Variants in PCGF3 observed in about 807,000 individuals in gnomAD.
PCGF3 encodes polycomb group ring finger 3.
Under a neutral mutation model 33.1 loss-of-function variants are expected in PCGF3, and 7 were observed. The ratio of observed to expected loss-of-function variants is 0.21; its 90% confidence interval spans 0.12 to 0.40. The LOEUF is 0.40. Ranked by LOEUF, PCGF3 falls within the 10% of genes least tolerant of loss-of-function variation. The pLI is 1.00. For missense variants in PCGF3, 211 were observed against 313.3 expected (o/e 0.67, Z 2.46); for synonymous variants, 153 against 121.3 (o/e 1.26, Z -1.72).
In PCGF3 at chr4:737,700, G is replaced by C. The variant is rs773107737; in HGVS notation, c.262+179G>C. On this transcript the variant is annotated intron_variant, in intron 6 of 10. Transcript: ENST00000362003. ...TTGGCTGGTCTCTTCTTTCGTCTAAGATGCGTAGACATCTTTTTACCCCTT... is the reference window on the plus strand; with the variant it reads ...TTGGCTGGTCTCTTCTTTCGTCTAACATGCGTAGACATCTTTTTACCCCTT... 2.6e-5 allele frequency among the ~76,000 whole-genome samples: 4 copies of C among 152,160 alleles called. No individual in the cohort carries two copies. In the South Asian group the frequency reaches 8.3e-4, roughly 32 times the overall value.
At chr4:741,278 T>C (rs543964760) in intron 6 of PCGF3, among the ~76,000 whole-genome samples, 40 of 152,248 alleles carry the variant, frequency 2.6e-4, no homozygotes, top group Non-Finnish European at 4.7e-4. Flanking sequence ...AATGAAGATA[T>C]GGCTGTAGTC....
intron 3 of PCGF3, among the ~76,000 whole-genome samples, chr4:733,147 G>A (rs1743681256): frequency 1.3e-5 from 2 of 150,084 alleles, no homozygotes; most frequent in African/African-American, 2.5e-5. Context: ...AGGAGACACC[G>A]TGGAAGCCGC....
At chr4:761,512 C>G (rs554520232) in intron 9 of PCGF3, 96 bp downstream of exon 9, 2 of 1,441,308 alleles carry the variant, frequency 1.4e-6, no homozygotes, top group Non-Finnish European at 1.9e-6. Flanking sequence ...TTGTTTTTAA[C>G]AATTTTGGAG....
At chr4:734,622 C>T in intron 4 of PCGF3, 1 of 1,229,464 alleles carries the variant, frequency 8.1e-7, no homozygotes, top group East Asian at 3.7e-5. Flanking sequence ...CTGTTTTAGC[C>T]CATGTTCTGA....
At chr4:719,573 T>C (rs896255518) in intron 1 of PCGF3, among the ~76,000 whole-genome samples, 5 of 152,204 alleles carry the variant, frequency 3.3e-5, no homozygotes, top group Non-Finnish European at 7.4e-5. Context: ...GCAGCTGCAA[T>C]GCGGGGTCCC....
intron 8 of PCGF3, among the ~76,000 whole-genome samples, chr4:751,451 C>T (rs888057761): frequency 2.0e-5 from 3 of 152,142 alleles, no homozygotes; most frequent in African/African-American, 4.8e-5. Context: ...TCGCCACGTC[C>T]GCACGTCACT....
At chr4:722,033 G>A (rs1480591919) in intron 1 of PCGF3, among the ~76,000 whole-genome samples, 1 of 152,138 alleles carries the variant, frequency 6.6e-6, no homozygotes, top group East Asian at 1.9e-4. Flanking sequence ...CTTCGTTGCA[G>A]AAACCGCATC....
At position 735,951 on chromosome 4, in the gene PCGF3, C is replaced by T. The variant is rs533873353; in HGVS notation, c.206+924C>T. On this transcript the variant is annotated intron_variant, in intron 5 of 10. Transcript: ENST00000362003. ...GCTCCAAAGGAAGGGAAATGCTCCC[C>T]GTACCATGAGGGTAGTAGAGATAAT... is the stretch of plus-strand genomic sequence containing the variant. Among the ~76,000 whole-genome samples the T allele has an allele frequency of 7.8e-4, 119 of 152,286 alleles. 1 individual carries two copies. In the Middle Eastern group the frequency reaches 0.014, roughly 17 times the overall value.
In PCGF3 at chr4:731,340, T is replaced by A. The variant is rs1359264429; in HGVS notation, c.-10+230T>A. The A allele has an allele frequency of 1.2e-5, 5 of 400,460 alleles. No individual in the cohort carries two copies. The Admixed American group carries it at 1.3e-4, about 11-fold the overall frequency. The allele number at this position is 400,460 out of a possible 1,614,324, so 24.8% of individuals were successfully genotyped here. Reference sequence around the variant, plus strand: ...TGCGGGGTGCAGAGGGCTGGTCTCCTTCCGTCACTGGTTCACTTGGGTTCC... The same window carrying A: ...TGCGGGGTGCAGAGGGCTGGTCTCCATCCGTCACTGGTTCACTTGGGTTCC... On this transcript the variant is annotated intron_variant, in intron 3 of 10. Transcript: ENST00000362003.
At chr4:738,654 C>T (rs908268447) in intron 6 of PCGF3, among the ~76,000 whole-genome samples, 1 of 150,624 alleles carries the variant, frequency 6.6e-6, no homozygotes, top group Non-Finnish European at 1.5e-5. Context: ...TTGAGACCAG[C>T]CAGACCAACA....
chr4:760,310 C>A (rs1016650260), intron 8 of PCGF3, among the ~76,000 whole-genome samples: 1 of 152,188 alleles, frequency 6.6e-6, no homozygotes, highest in Non-Finnish European at 1.5e-5. Context: ...TTTCTCTTAG[C>A]CTTCCTTTTA....
rs1219622972 is a variant in PCGF3 at position 720,928 on chromosome 4, G to T, written c.-189-9702G>T. Among the ~76,000 whole-genome samples the T allele has an allele frequency of 6.6e-6, 1 of 152,150 alleles. No individual in the cohort carries two copies. The highest frequency in any genetic ancestry group is 1.5e-5 in the Non-Finnish European group (1 of 68,006). ...CGGCTTGGAGAAGCCTGTCCTGGGC[G>T]GGTTTCACCACTTGGACGGGAGCTC... On this transcript the variant is annotated intron_variant, in intron 1 of 10. Coordinates refer to ENST00000362003, the Ensembl canonical transcript of PCGF3. The surrounding 1 kb of genome is among the most constrained non-coding windows in gnomAD (Gnocchi z 5.6).
chr4:732,868 T>C (rs1743661192), intron 3 of PCGF3, among the ~76,000 whole-genome samples: 1 of 152,214 alleles, frequency 6.6e-6, no homozygotes, highest in African/African-American at 2.4e-5. Context: ...CCCTGCTCTC[T>C]TGCCTCAAGC....
chr4:766,015 GTTC>G lies in PCGF3; in HGVS notation c.682-14_682-12del, dbSNP rs1745353250. ...CACCCCTGCTAAGCAGGCACTGTGC[GTTC>G]TTGTGTCTTCCAGAAGGCGCCGCTC... On this transcript the variant is annotated splice_polypyrimidine_tract_variant and intron_variant, in intron 10 of 10. Coordinates refer to ENST00000362003, the Ensembl canonical transcript of PCGF3. 6.2e-7 allele frequency: 1 copy of G among 1,613,420 alleles called. No homozygotes were observed. Among genetic ancestry groups the G allele is most frequent in the Non-Finnish European group, 8.5e-7 (1 of 1,179,388 alleles).
intron 1 of PCGF3, among the ~76,000 whole-genome samples, chr4:718,073 G>T (rs988563521): frequency 6.6e-6 from 1 of 152,164 alleles, no homozygotes; most frequent in Non-Finnish European, 1.5e-5. Context: ...TGAGGGAGGC[G>T]CAGGTGGCTC....
At position 720,628 on chromosome 4, in the gene PCGF3, C is replaced by T. The variant is rs1364916053; in HGVS notation, c.-189-10002C>T. Among the ~76,000 whole-genome samples the T allele has an allele frequency of 2.0e-5, 3 of 148,310 alleles. No individual in the cohort carries two copies. Among genetic ancestry groups the T allele is most frequent in the Non-Finnish European group, 3.0e-5 (2 of 67,164 alleles). On this transcript the variant is annotated intron_variant, in intron 1 of 10. Transcript: ENST00000362003. The surrounding 1 kb of genome is among the most constrained non-coding windows in gnomAD (Gnocchi z 5.6). ...TGGACCCGGGGTGGACGGGCGGTGA[C>T]GTGCGTGTGGACCCGGGGTGGACGG...
At chr4:709,771 G>C (rs542713777) in intron 1 of PCGF3, among the ~76,000 whole-genome samples, 1 of 152,234 alleles carries the variant, frequency 6.6e-6, no homozygotes, top group Non-Finnish European at 1.5e-5. Context: ...GGAGAAAACC[G>C]TGTTAGGTTT....
chr4:766,009 CTG>C (rs1745352726), intron 10 of PCGF3, 21 bp from the exon 11 acceptor site: 3 of 1,612,900 alleles, frequency 1.9e-6, no homozygotes, highest in Non-Finnish European at 2.5e-6. Context: ...TAAGCAGGCA[CTG>C]TGCGTTCTTG....
intron 4 of PCGF3, chr4:734,214 C>T: frequency 6.6e-7 from 1 of 1,523,730 alleles, no homozygotes; most frequent in Non-Finnish European, 8.9e-7. Context: ...GGACTCACAC[C>T]TGGGGCTGGA....
Sources: gnomAD v4.1 joint callset for allele counts (sites outside exome capture counted in the v4.1 genomes callset) on GRCh38, gnomAD v4.1.1 for gene constraint, Gnocchi (gnomAD v3.1) non-coding constraint, MANE v1.5 for transcripts, NCBI Gene and HGNC (gene_info 2026-07-23, HGNC 2026-07-21) for gene names.